Variants in CNTNAP2 observed in about 807,000 individuals in gnomAD.
CNTNAP2 encodes contactin associated protein 2.
Under a neutral mutation model 155.2 loss-of-function variants are expected in CNTNAP2, and 98 were observed. That is an observed-to-expected ratio of 0.63 (90% CI 0.54 to 0.75). The LOEUF is 0.75. CNTNAP2 is among the 30% of genes least tolerant of loss of function. The pLI, the probability that CNTNAP2 is intolerant of heterozygous loss-of-function variation, is 0.00. For missense variants in CNTNAP2, 1,727 were observed against 1,688.1 expected (o/e 1.02, Z -0.40); for synonymous variants, 651 against 631.2 (o/e 1.03, Z -0.47).
At chr7:147,540,932 G>A (rs1375617112) in intron 11 of CNTNAP2, among the ~76,000 whole-genome samples, 1 of 152,122 alleles carries the variant, frequency 6.6e-6, no homozygotes, top group East Asian at 1.9e-4. Flanking sequence ...AGGTAATTTT[G>A]AAACCTGAGT....
At chr7:147,183,271 T>C (rs865953024) in intron 8 of CNTNAP2, among the ~76,000 whole-genome samples, 1 of 152,216 alleles carries the variant, frequency 6.6e-6, no homozygotes, top group African/African-American at 2.4e-5. Context: ...TTTTAAGTCA[T>C]CAATACTGTT....
chr7:147,388,963 T>C (rs2116439098), intron 9 of CNTNAP2, among the ~76,000 whole-genome samples: 1 of 152,288 alleles, frequency 6.6e-6, no homozygotes, highest in Non-Finnish European at 1.5e-5. Context: ...CCAATCAACC[T>C]GTACTGTAAC....
chr7:146,352,707 A>G (rs1457918403), intron 1 of CNTNAP2, among the ~76,000 whole-genome samples: 2 of 148,594 alleles, frequency 1.3e-5, no homozygotes, highest in Non-Finnish European at 3.0e-5. Flanking sequence ...AAAAAAATGA[A>G]ATAGATATAG....
At chr7:146,962,579 C>T (rs1797576435) in intron 3 of CNTNAP2, among the ~76,000 whole-genome samples, 1 of 152,174 alleles carries the variant, frequency 6.6e-6, no homozygotes, top group Non-Finnish European at 1.5e-5. Flanking sequence ...GAGACAGAGT[C>T]TCGCTCTGTT....
At chr7:146,156,027 A>T (rs1320943604) in intron 1 of CNTNAP2, among the ~76,000 whole-genome samples, 1 of 152,126 alleles carries the variant, frequency 6.6e-6, no homozygotes, top group African/African-American at 2.4e-5. Context: ...TTATAAATAC[A>T]GAAAATTCCT....
intron 14 of CNTNAP2, among the ~76,000 whole-genome samples, chr7:147,916,711 A>G (rs892316291): frequency 6.6e-6 from 1 of 151,816 alleles, no homozygotes; most frequent in Non-Finnish European, 1.5e-5. Flanking sequence ...CCAAAAAATC[A>G]ATCATGGAAA....
chr7:147,550,739 C>T (rs1799835479), intron 11 of CNTNAP2, among the ~76,000 whole-genome samples: 1 of 152,098 alleles, frequency 6.6e-6, no homozygotes, highest in South Asian at 2.1e-4. Flanking sequence ...TGGGCCAGCA[C>T]CTTCTGAAAC....
At chr7:147,085,098 C>T (rs889670427) in intron 4 of CNTNAP2, among the ~76,000 whole-genome samples, 3 of 151,984 alleles carry the variant, frequency 2.0e-5, no homozygotes, top group African/African-American at 7.2e-5. Context: ...ATAAACCAAT[C>T]AAAGCTGATG....
At chr7:146,862,620 C>T (rs570479046) in intron 3 of CNTNAP2, among the ~76,000 whole-genome samples, 63 of 152,292 alleles carry the variant, frequency 4.1e-4, no homozygotes, top group African/African-American at 1.5e-3. Flanking sequence ...TGTTACTTGG[C>T]TGTCTATCAA....
chr7:146,243,274 C>A lies in CNTNAP2; in HGVS notation c.97+126301C>A, dbSNP rs1799592571. ...ATATTTATTCCTTAGTTTATTATTT[C>A]TCCTTTATTTATATTAATTATTTAT... On this transcript the variant is annotated intron_variant, in intron 1 of 23. Coordinates refer to ENST00000361727, the MANE Select transcript of CNTNAP2 (RefSeq NM_014141.6). Among the ~76,000 whole-genome samples, 3 of 152,002 alleles carry A rather than the reference C, an allele frequency of 2.0e-5. 1 individual carries two copies. In the South Asian group the frequency reaches 6.2e-4, roughly 32 times the overall value.
chr7:146,334,426 G>C (rs1283774763), intron 1 of CNTNAP2, among the ~76,000 whole-genome samples: 2 of 117,706 alleles, frequency 1.7e-5, no homozygotes, highest in Admixed American at 1.0e-4. Context: ...GCAAGACTCC[G>C]TCTCAAAAAA....
At chr7:147,623,483 A>T (rs892529099) in intron 12 of CNTNAP2, among the ~76,000 whole-genome samples, 5 of 152,098 alleles carry the variant, frequency 3.3e-5, no homozygotes, top group Non-Finnish European at 7.4e-5. Flanking sequence ...GAAACAAAAA[A>T]ATCAAAATGT....
intron 1 of CNTNAP2, among the ~76,000 whole-genome samples, chr7:146,213,646 G>T (rs896209314): frequency 6.6e-6 from 1 of 152,126 alleles, no homozygotes; most frequent in Non-Finnish European, 1.5e-5. Flanking sequence ...TGAGTTAAAA[G>T]ATTTTAAGTA....
chr7:148,224,407 G>A (rs368305549), intron 19 of CNTNAP2, among the ~76,000 whole-genome samples: 2 of 152,176 alleles, frequency 1.3e-5, no homozygotes, highest in Admixed American at 6.5e-5. Context: ...CCTGAGGTAG[G>A]AGGAGATCGT....
intron 14 of CNTNAP2, among the ~76,000 whole-genome samples, chr7:147,952,719 A>T (rs1800957342): frequency 6.6e-6 from 1 of 152,300 alleles, no homozygotes; most frequent in African/African-American, 2.4e-5. Flanking sequence ...GACACGTCAC[A>T]TGCAGGTACA....
intron 18 of CNTNAP2, among the ~76,000 whole-genome samples, chr7:148,196,196 C>G (rs1436305542): frequency 2.0e-5 from 3 of 152,004 alleles, no homozygotes; most frequent in Non-Finnish European, 2.9e-5. Flanking sequence ...ATTACTGATC[C>G]CAAGGAACAA....
intron 1 of CNTNAP2, among the ~76,000 whole-genome samples, chr7:146,238,821 C>A (rs1261473082): frequency 6.6e-6 from 1 of 152,178 alleles, no homozygotes; most frequent in Non-Finnish European, 1.5e-5. Flanking sequence ...ACCTTCTTCA[C>A]AAGGCGGCAG....
At chr7:148,371,820 G>A (rs530321904) in intron 21 of CNTNAP2, among the ~76,000 whole-genome samples, 8 of 152,276 alleles carry the variant, frequency 5.3e-5, no homozygotes, top group East Asian at 1.9e-4. Flanking sequence ...TGTGCAGCAC[G>A]CCACTGCACT....
chr7:148,247,625 C>CTATTTATT (rs71527888), intron 20 of CNTNAP2, among the ~76,000 whole-genome samples: 4,145 of 105,196 alleles, frequency 0.039, 103 homozygotes, highest in Non-Finnish European at 0.053. Flanking sequence ...CTCTCTCTCT[C>CTATTTATT]TATTTATTTA....
Sources: allele counts gnomAD v4.1 joint callset (sites outside exome capture counted in the v4.1 genomes callset), GRCh38; gene constraint gnomAD v4.1.1; transcripts MANE v1.5; gene names NCBI Gene and HGNC (gene_info 2026-07-23, HGNC 2026-07-21).